Variants in PTPRD observed in about 807,000 individuals in gnomAD.
PTPRD encodes the protein protein tyrosine phosphatase receptor type D, also known as receptor-type tyrosine-protein phosphatase delta.
PTPRD carries 34 observed loss-of-function variants against 214.5 expected under a neutral mutation model. That is an observed-to-expected ratio of 0.16 (90% CI 0.12 to 0.21). PTPRD has a LOEUF of 0.21. Among genes scored for constraint, PTPRD ranks in the 10% least tolerant of loss-of-function variants. The probability of loss-of-function intolerance (pLI) is 1.00; values close to 1 mark genes in which losing one functional copy is unlikely to be tolerated. For synonymous variants in PTPRD, 1,128 were observed against 845.7 expected (o/e 1.33, Z -5.79); for missense variants, 2,545 against 2,398.7 (o/e 1.06, Z -1.27).
intron 6 of PTPRD, among the ~76,000 whole-genome samples, chr9:9,747,264 C>T (rs2098467317): frequency 6.6e-6 from 1 of 152,066 alleles, no homozygotes; most frequent in Admixed American, 6.6e-5. Flanking sequence ...TGTTCAGGCT[C>T]ATGATTTCCG....
In PTPRD at chr9:9,081,697, T is replaced by A. The variant is rs1435588145; in HGVS notation, c.-142-62962A>T. Among the ~76,000 whole-genome samples, 7 of 152,086 alleles carry A rather than the reference T, an allele frequency of 4.6e-5. No homozygotes were observed. In the East Asian group the frequency reaches 1.4e-3, roughly 29 times the overall value. On this transcript the variant is annotated intron_variant, in intron 10 of 45. Transcript: ENST00000381196. ...GGTGCTCCTGTATTGGGTGCATATATATTTAGGAGAGTTAGCTCTTCTTGT... is the reference window on the plus strand; with the variant it reads ...GGTGCTCCTGTATTGGGTGCATATAAATTTAGGAGAGTTAGCTCTTCTTGT...
chr9:9,933,271 A>G (rs1201711043), intron 5 of PTPRD, among the ~76,000 whole-genome samples: 2 of 152,258 alleles, frequency 1.3e-5, no homozygotes, highest in African/African-American at 4.8e-5. Flanking sequence ...CAATTAAAAG[A>G]CACAGACTGG....
chr9:10,099,714 T>C (rs1294573913), intron 3 of PTPRD, among the ~76,000 whole-genome samples: 2 of 151,692 alleles, frequency 1.3e-5, no homozygotes, highest in African/African-American at 4.8e-5. Flanking sequence ...TATCATCGTA[T>C]GTTGGGTCTG....
chr9:9,340,871 T>C (rs2046520817), intron 9 of PTPRD, among the ~76,000 whole-genome samples: 1 of 152,172 alleles, frequency 6.6e-6, no homozygotes, highest in Admixed American at 6.6e-5. Context: ...TAATTCATTT[T>C]ACCCAGCTAA....
At chr9:9,426,564 C>A (rs1215236810) in intron 8 of PTPRD, among the ~76,000 whole-genome samples, 1 of 152,146 alleles carries the variant, frequency 6.6e-6, no homozygotes, top group East Asian at 1.9e-4. Context: ...TGTAGTGGAT[C>A]TCCCAGCACG....
chr9:10,123,178 G>A (rs571892090), intron 3 of PTPRD, among the ~76,000 whole-genome samples: 1 of 152,220 alleles, frequency 6.6e-6, no homozygotes, highest in Non-Finnish European at 1.5e-5. Flanking sequence ...AAAAGATATT[G>A]AGAAAGGGGA....
In PTPRD at chr9:10,465,547, C is replaced by A. The variant is rs536386250; in HGVS notation, c.-599-124530G>T. Reference sequence around the variant, plus strand: ...CAACGGTGGTCTCATAAGATTATACCGGAACTGAAAAATTTCTATCACCTG... The same window carrying A: ...CAACGGTGGTCTCATAAGATTATACAGGAACTGAAAAATTTCTATCACCTG... On this transcript the variant is annotated intron_variant, in intron 2 of 45. Coordinates refer to ENST00000381196, the MANE Select transcript of PTPRD (RefSeq NM_002839.4). Among the ~76,000 whole-genome samples, 182 of 152,076 alleles carry A rather than the reference C, an allele frequency of 1.2e-3. 1 individual carries two copies. Among genetic ancestry groups the A allele is most frequent in the African/African-American group, 4.2e-3 (175 of 41,476 alleles).
intron 3 of PTPRD, among the ~76,000 whole-genome samples, chr9:10,251,530 T>A (rs1595381276): frequency 6.6e-6 from 1 of 152,186 alleles, no homozygotes; most frequent in Admixed American, 6.6e-5. Context: ...ATCTTCACAA[T>A]GGATAATACA....
At chr9:9,434,272 T>C (rs2084325129) in intron 8 of PTPRD, among the ~76,000 whole-genome samples, 1 of 152,180 alleles carries the variant, frequency 6.6e-6, no homozygotes, top group African/African-American at 2.4e-5. Flanking sequence ...TAGGGTTCTC[T>C]GTATTTAAAA....
intron 10 of PTPRD, among the ~76,000 whole-genome samples, chr9:9,150,280 T>C (rs1022643913): frequency 5.3e-5 from 8 of 151,974 alleles, no homozygotes; most frequent in African/African-American, 1.7e-4. Context: ...TCCAAAAGTC[T>C]CAATATAAAT....
chr9:8,786,022 C>T (rs576703160), intron 11 of PTPRD, among the ~76,000 whole-genome samples: 7 of 145,788 alleles, frequency 4.8e-5, no homozygotes, highest in East Asian at 2.0e-4. Flanking sequence ...TCTGAGAAGC[C>T]GCTTAATTTG....
intron 39 of PTPRD, among the ~76,000 whole-genome samples, chr9:8,347,995 G>C (rs1191408117): frequency 6.6e-6 from 1 of 152,072 alleles, no homozygotes; most frequent in Non-Finnish European, 1.5e-5. Context: ...TAAAGGTCAA[G>C]TAACTGTTTG....
rs1372266319 is a variant in PTPRD at position 9,998,124 on chromosome 9, A to AT, written c.-472+35593_-472+35594insA. Among the ~76,000 whole-genome samples, 172 of 77,034 alleles carry AT rather than the reference A, an allele frequency of 2.2e-3. 2 individuals are homozygous for AT. Among genetic ancestry groups the AT allele is most frequent in the East Asian group, 6.2e-3 (25 of 4,038 alleles). 50.5% of individuals were successfully genotyped at this position (77,034 alleles called of 152,430 possible). A position where few individuals can be genotyped will look rare whatever the true frequency, so the allele number is the denominator to read the frequency against. On this transcript the variant is annotated intron_variant, in intron 4 of 45. Transcript: ENST00000381196. ...AGAACTTAAAGTATAATAAAAAAAA[A>AT]AAAAAATATATATATATATATAAAA...
intron 9 of PTPRD, among the ~76,000 whole-genome samples, chr9:9,323,107 G>C (rs1242831287): frequency 6.6e-6 from 1 of 152,052 alleles, no homozygotes. Context: ...ACTATGGCCA[G>C]AATATATCAG....
intron 8 of PTPRD, among the ~76,000 whole-genome samples, chr9:9,555,152 CAT>C (rs968914445): frequency 6.6e-5 from 10 of 152,000 alleles, no homozygotes; most frequent in African/African-American, 2.4e-4. Context: ...ATACTGCCAA[CAT>C]GTATGTATTA....
intron 4 of PTPRD, among the ~76,000 whole-genome samples, chr9:9,947,456 TA>T (rs1484417828): frequency 2.7e-4 from 7 of 26,346 alleles, no homozygotes; most frequent in African/African-American, 1.8e-3. Flanking sequence ...TATATATTTT[TA>T]TATATACTAT....
At chr9:8,496,210 AAACACACAC>A (rs1563828503) in intron 26 of PTPRD, among the ~76,000 whole-genome samples, 8 of 121,412 alleles carry the variant, frequency 6.6e-5, no homozygotes, top group Non-Finnish European at 1.5e-4. Flanking sequence ...ACACACACAC[AAACACACAC>A]ACACACACAC....
intron 14 of PTPRD, among the ~76,000 whole-genome samples, chr9:8,550,664 C>T (rs557985649): frequency 6.3e-4 from 96 of 152,266 alleles, no homozygotes; most frequent in Admixed American, 3.2e-3. Flanking sequence ...AATCTAAATC[C>T]ATATGCAAGA....
In PTPRD at chr9:8,331,746, G is replaced by T; in HGVS notation, c.5380-10C>A. The T allele has an allele frequency of 6.3e-7, 1 of 1,577,744 alleles. No individual in the cohort carries two copies. The highest frequency in any genetic ancestry group is 8.6e-7 in the Non-Finnish European group (1 of 1,163,400). On this transcript the variant is annotated splice_polypyrimidine_tract_variant and intron_variant, in intron 43 of 45. Coordinates refer to ENST00000381196, the MANE Select transcript of PTPRD (RefSeq NM_002839.4). ...TTCGGGACTGGCCGTCCTTTAGAAG[G>T]AAAGCCACATACCCGGCCGCAAAGG...
Sources: gnomAD v4.1 joint callset for allele counts (sites outside exome capture counted in the v4.1 genomes callset) on GRCh38, gnomAD v4.1.1 for gene constraint, MANE v1.5 for transcripts, NCBI Gene and HGNC (gene_info 2026-07-23, HGNC 2026-07-21) for gene names.